The following AHNAK variants were observed in gnomAD, a reference collection of about 807,000 sequenced individuals.
AHNAK encodes AHNAK nucleoprotein.
A neutral mutation model predicts 37.8 loss-of-function variants in AHNAK; 23 were observed. The observed-to-expected ratio is 0.61, with a 90% CI of 0.44 to 0.86. The LOEUF (loss-of-function observed/expected upper bound fraction) is 0.86. Among genes scored for constraint, AHNAK ranks in the 40% least tolerant of loss-of-function variants. The pLI is 0.00. For missense variants in AHNAK, 7,411 were observed against 7,319.4 expected, an observed-to-expected ratio of 1.01 and a Z score of -0.46; for synonymous variants, 2,481 against 2,636.3, an observed-to-expected ratio of 0.94 and a Z score of 1.80.
exon 6 of AHNAK, chr11:62,433,714 G>A: frequency 3.7e-6 from 3 of 816,918 alleles, no homozygotes; most frequent in South Asian, 1.7e-5. Context: ...CCTGGCTGGA[G>A]CTATAAACAT....
At chr11:62,470,654 G>C (rs1434393866) in intron 5 of AHNAK, among the ~76,000 whole-genome samples, 2 of 152,034 alleles carry the variant, frequency 1.3e-5, no homozygotes, top group Non-Finnish European at 2.9e-5. Context: ...CCATCATCCA[G>C]ATGCTCATTA....
intron 5 of AHNAK, among the ~76,000 whole-genome samples, chr11:62,479,761 G>T (rs928236891): frequency 6.6e-6 from 1 of 152,132 alleles, no homozygotes; most frequent in Non-Finnish European, 1.5e-5. Context: ...TGAAATCAAA[G>T]CTCTCTTTCC....
Position 62,517,489 on chromosome 11 carries a change from G to T in AHNAK, c.16928C>A (p.Ser5643Tyr), listed in dbSNP as rs748428563. ...IGLQAPGLSV[S>Y]GPQGHLESGS... is the part of the protein sequence containing the mutation. Reference sequence around the variant, plus strand: ...ACTTTCCAAGTGACCTTGAGGCCCAGACACACTCAGCCCAGGAGCCTGGAG... The same window carrying T: ...ACTTTCCAAGTGACCTTGAGGCCCATACACACTCAGCCCAGGAGCCTGGAG... Residue 5643 changes from serine (S) to tyrosine (Y), a missense_variant, in exon 5 of 5, where the codon TCT (serine) becomes TAT (tyrosine). Ser to Tyr is a moderately radical substitution (Grantham distance 144). Coordinates refer to ENST00000378024, the MANE Select transcript of AHNAK (RefSeq NM_001620.3). 1.9e-6 allele frequency: 3 copies of T among 1,614,034 alleles called. No homozygotes were observed. The highest frequency in any genetic ancestry group is 2.5e-6 in the Non-Finnish European group (3 of 1,180,034).
intron 5 of AHNAK, among the ~76,000 whole-genome samples, chr11:62,476,259 C>T (rs1267023806): frequency 6.6e-6 from 1 of 152,132 alleles, no homozygotes; most frequent in Non-Finnish European, 1.5e-5. Flanking sequence ...CATGGTGGCG[C>T]ATGGCTATAA....
At chr11:62,457,750 C>T (rs1324437467) in intron 5 of AHNAK, among the ~76,000 whole-genome samples, 3 of 152,106 alleles carry the variant, frequency 2.0e-5, no homozygotes, top group Non-Finnish European at 1.5e-5. Flanking sequence ...TAGACATAAA[C>T]ATGGGAACAA....
At chr11:62,499,486 G>A (rs902099938) in intron 4 of AHNAK, among the ~76,000 whole-genome samples, 1 of 152,170 alleles carries the variant, frequency 6.6e-6, no homozygotes, top group African/African-American at 2.4e-5. Flanking sequence ...GGGAGGCGGA[G>A]GTTGTAGTGA....
rs778355850 is a variant in AHNAK, at chr11:62,518,909, C to T, written c.15508G>A (p.Ala5170Thr). Residue 5170 changes from alanine (A) to threonine (T), a missense_variant, in exon 5 of 5, where the codon GCA becomes ACA. By Grantham distance (58) the Ala-to-Thr change is moderately conservative. Transcript: ENST00000378024. ...KGPKVQANLG[A>T]PDINIEGLDA... ...AGGCCTTCGATGTTGATGTCAGGTG[C>T]ACCCAAGTTTGCCTGCACTTTGGGG... is the stretch of plus-strand genomic sequence containing the variant. 7 of 1,614,052 alleles carry T rather than the reference C, an allele frequency of 4.3e-6. No individual in the cohort carries two copies. Among genetic ancestry groups the T allele is most frequent in the Non-Finnish European group, 5.9e-6 (7 of 1,179,966 alleles).
Position 62,523,659 on chromosome 11 carries a change from G to A in AHNAK, c.10758C>T (p.Ile3586=), listed in dbSNP as rs773756650. The A allele has an allele frequency of 1.9e-6, 3 of 1,612,438 alleles. No individual in the cohort carries two copies. The highest frequency in any genetic ancestry group is 2.2e-5 in the South Asian group (2 of 90,972). ...CATGAACATCCACATCTGGGGCATT[G>A]ATGTCCACTTTAGGGCCTTTGATAT... ...EVDIKGPKVD[I]NAPDVDVHGP... is the part of the protein sequence containing the mutation. The change falls in exon 5 of 5, where the codon ATC becomes ATT. Residue 3586 remains isoleucine (I), a synonymous_variant. Transcript: ENST00000378024.
chr11:62,434,932 C>CAAA lies in AHNAK; in HGVS notation c.443-1044_443-1042dup, dbSNP rs55712038. Among the ~76,000 whole-genome samples the CAAA allele has an allele frequency of 1.2e-3, 103 of 83,914 alleles. 2 individuals carry two copies. The highest frequency in any genetic ancestry group is 1.6e-3 in the Non-Finnish European group (71 of 44,500). 55.1% of individuals were successfully genotyped at this position (83,914 alleles called of 152,430 possible). ...TGGACAACATGGCAAGACCCTGTCT[C>CAAA]AAAAAAAAAAAAAAAAAAAAAAGCC... On this transcript the variant is annotated intron_variant, in intron 5 of 5. Transcript: ENST00000257247.
chr11:62,494,759 C>G (rs1017514554), intron 4 of AHNAK, among the ~76,000 whole-genome samples: 2 of 152,068 alleles, frequency 1.3e-5, no homozygotes, highest in African/African-American at 4.8e-5. Context: ...GCCTATAATC[C>G]CAGCACTTTA....
chr11:62,515,689 T>C (rs1216941180), downstream of AHNAK, among the ~76,000 whole-genome samples: 1 of 152,240 alleles, frequency 6.6e-6, no homozygotes, highest in African/African-American at 2.4e-5. Flanking sequence ...AGGCCAAGCC[T>C]CTTCTTGATT....
Position 62,527,915 on chromosome 11 carries a change from T to C in AHNAK, c.6502A>G (p.Lys2168Glu). The change falls in exon 5 of 5, where the codon AAA becomes GAA. Residue 2168 changes from lysine to glutamate, a missense_variant. Coordinates refer to ENST00000378024, the MANE Select transcript of AHNAK (RefSeq NM_001620.3). ...VELECPDAKLKGPKFKMPEMH... is the reference protein window; with the variant it reads ...VELECPDAKLEGPKFKMPEMH... ...TCAGGCATCTTAAACTTGGGCCCTTTCAACTTTGCATCAGGACACTCCAGC... is the reference window on the plus strand; with the variant it reads ...TCAGGCATCTTAAACTTGGGCCCTTCCAACTTTGCATCAGGACACTCCAGC... 6.2e-7 allele frequency: 1 copy of C among 1,613,074 alleles called. No individual in the cohort carries two copies. The highest frequency in any genetic ancestry group is 8.5e-7 in the Non-Finnish European group (1 of 1,179,708).
Position 62,518,533 on chromosome 11 carries a change from G to C in AHNAK, c.15884C>G (p.Pro5295Arg). Residue 5295 changes from proline to arginine, a missense_variant, in exon 5 of 5, where the codon CCA becomes CGA. Physicochemically the swap from Pro to Arg is moderately radical, Grantham distance 103. Coordinates refer to ENST00000378024, the MANE Select transcript of AHNAK (RefSeq NM_001620.3). The stretch of plus-strand genomic sequence containing the variant: ...ATCAAGGTCAGGCCCAGAGACTTTT[G>C]GCATAGAGAGGTTCACTGAAGGCAA... ...VDLPSVNLSM[P>R]KVSGPDLDLN... 1 of 1,614,056 alleles carries C rather than the reference G, an allele frequency of 6.2e-7. No individual in the cohort carries two copies. The highest frequency in any genetic ancestry group is 8.5e-7 in the Non-Finnish European group (1 of 1,180,010).
chr11:62,438,199 C>T (rs7936932), intron 5 of AHNAK, among the ~76,000 whole-genome samples: 26,195 of 67,524 alleles, frequency 0.39, 2,871 homozygotes, highest in Middle Eastern at 0.46. Flanking sequence ...TTTTTTTTTT[C>T]CTGAGACTGA....
chr11:62,532,691 A>G lies in AHNAK; in HGVS notation c.1726T>C (p.Leu576=), dbSNP rs1940801717. Residue 576 remains leucine (L), a synonymous_variant, in exon 5 of 5, where the codon TTA becomes CTA. Transcript: ENST00000378024. Reference sequence around the variant, plus strand: ...TTCACTTTAGGTGCGGCCACATTTAAGTCTACTTCTGACATAGAGATCCTA... The same window carrying G: ...TTCACTTTAGGTGCGGCCACATTTAGGTCTACTTCTGACATAGAGATCCTA... The part of the protein sequence containing the change: ...TCRISMSEVD[L]NVAAPKVKGG... The G allele has an allele frequency of 1.2e-6, 2 of 1,613,948 alleles. No individual in the cohort carries two copies. The highest frequency in any genetic ancestry group is 4.5e-5 in the East Asian group (2 of 44,870).
At position 62,494,748 on chromosome 11, in the gene AHNAK, C is replaced by T. The variant is rs557014533; in HGVS notation, c.343-2917G>A. Among the ~76,000 whole-genome samples, 20 of 152,096 alleles carry T rather than the reference C, an allele frequency of 1.3e-4. 2 individuals carry two copies. Among genetic ancestry groups the T allele is most frequent in the African/African-American group, 4.8e-4 (20 of 41,408 alleles). On this transcript the variant is annotated intron_variant, in intron 4 of 5. Coordinates refer to the AHNAK transcript ENST00000257247. ...CAGGACCGCCGGGCGCAGTGGCTCA[C>T]GCCTATAATCCCAGCACTTTAGGAG...
chr11:62,542,315 T>C (rs2509962), intron 1 of AHNAK, among the ~76,000 whole-genome samples: 54,982 of 151,920 alleles, frequency 0.36, 10,677 homozygotes, highest in Non-Finnish European at 0.45. Context: ...GCACCTCCCC[T>C]TGTGTGTGTG....
chr11:62,472,249 G>A (rs993827590), intron 5 of AHNAK, among the ~76,000 whole-genome samples: 3 of 151,854 alleles, frequency 2.0e-5, no homozygotes, highest in African/African-American at 7.3e-5. Flanking sequence ...GCTCTCACCC[G>A]ACTCCTCTCA....
rs756901577 is a variant in AHNAK at position 62,532,164 on chromosome 11, C to T, written c.2253G>A (p.Lys751=). ...HGPDWHLKMP[K]MKMPKFSVPG... ...GCACACTGAATTTGGGCATTTTCAT[C>T]TTGGGCATCTTCAAGTGCCAGTCTG... The change falls in exon 5 of 5, where the codon AAG becomes AAA. Residue 751 remains lysine, a synonymous_variant. Transcript: ENST00000378024. The T allele has an allele frequency of 6.8e-6, 11 of 1,614,006 alleles. No homozygotes were observed. The African/African-American group carries it at 1.2e-4, about 18-fold the overall frequency.
Sources: allele counts gnomAD v4.1 joint callset (sites outside exome capture counted in the v4.1 genomes callset), GRCh38; gene constraint gnomAD v4.1.1; transcripts MANE v1.5; gene names NCBI Gene and HGNC (gene_info 2026-07-23, HGNC 2026-07-21).